Variants in NTM observed in about 807,000 individuals in gnomAD.
The protein encoded by NTM is IgLON family member 2.
A neutral mutation model predicts 42.1 loss-of-function variants in NTM; 13 were observed. That is an observed-to-expected ratio of 0.31 (90% confidence interval 0.20 to 0.49). The LOEUF (loss-of-function observed/expected upper bound fraction) is 0.49, where lower values mean the gene tolerates loss of function less well. Ranked by LOEUF, NTM falls within the 20% of genes least tolerant of loss-of-function variation. The pLI is 0.99. For missense variants in NTM, 373 were observed against 452.8 expected, an observed-to-expected ratio of 0.82 and a Z score of 1.60; for synonymous variants, 187 against 179.2, an observed-to-expected ratio of 1.04 and a Z score of -0.35.
intron 1 of NTM, among the ~76,000 whole-genome samples, chr11:131,476,782 A>T (rs1258183908): frequency 2.0e-5 from 2 of 98,368 alleles, no homozygotes; most frequent in African/African-American, 7.1e-5. Flanking sequence ...CCCTTCTCCT[A>T]CTCAGCCCAC....
At chr11:132,023,784 G>T (rs867242826) in intron 2 of NTM, among the ~76,000 whole-genome samples, 8 of 121,714 alleles carry the variant, frequency 6.6e-5, no homozygotes, top group Admixed American at 4.0e-4. Flanking sequence ...GTTGTTGTTG[G>T]TGGTTTTGTT....
chr11:131,494,173 T>G (rs1433539197), intron 1 of NTM, among the ~76,000 whole-genome samples: 2 of 152,168 alleles, frequency 1.3e-5, no homozygotes, highest in Non-Finnish European at 2.9e-5. Flanking sequence ...ATTGTTACTA[T>G]TGTTATTATT....
intron 1 of NTM, among the ~76,000 whole-genome samples, chr11:131,611,174 G>C (rs751354412): frequency 1.1e-4 from 17 of 152,158 alleles, no homozygotes; most frequent in Non-Finnish European, 2.1e-4. Context: ...CTTTGCACCT[G>C]AGGAGGGAAA....
intron 1 of NTM, among the ~76,000 whole-genome samples, chr11:131,503,890 A>C (rs1475387524): frequency 6.6e-6 from 1 of 152,154 alleles, no homozygotes; most frequent in African/African-American, 2.4e-5. Flanking sequence ...ATTAGAGGTG[A>C]AGTTAACTGG....
At chr11:131,819,226 G>A (rs779922938) in intron 1 of NTM, among the ~76,000 whole-genome samples, 2 of 152,142 alleles carry the variant, frequency 1.3e-5, no homozygotes, top group Non-Finnish European at 2.9e-5. Flanking sequence ...AGACCTTGTA[G>A]TTCAAAGCTT....
At chr11:131,414,509 A>T (rs549007478) in intron 1 of NTM, among the ~76,000 whole-genome samples, 2 of 152,294 alleles carry the variant, frequency 1.3e-5, no homozygotes, top group East Asian at 3.9e-4. Flanking sequence ...CTTCCATCAG[A>T]CAGGTTCTTT....
chr11:131,700,557 C>T (rs2135164154), intron 1 of NTM, among the ~76,000 whole-genome samples: 1 of 152,312 alleles, frequency 6.6e-6, no homozygotes, highest in African/African-American at 2.4e-5. Context: ...ACAATAATGG[C>T]AAAGACTTAC....
chr11:132,176,357 A>G (rs1248237103), intron 3 of NTM, among the ~76,000 whole-genome samples: 1 of 96,394 alleles, frequency 1.0e-5, no homozygotes, highest in East Asian at 2.2e-4. Flanking sequence ...ACTTTCCAGG[A>G]AAAAAAAAAA....
chr11:131,865,929 CCT>C (rs2047122285), intron 1 of NTM, among the ~76,000 whole-genome samples: 4 of 124,298 alleles, frequency 3.2e-5, no homozygotes, highest in Non-Finnish European at 5.5e-5. Flanking sequence ...TACACACACA[CCT>C]CCCACACTCA....
chr11:131,919,573 C>T (rs1474969716), intron 2 of NTM, among the ~76,000 whole-genome samples: 2 of 150,908 alleles, frequency 1.3e-5, no homozygotes, highest in Non-Finnish European at 2.9e-5. Context: ...CAGGAATCTA[C>T]AAACTCTGGC....
At chr11:131,703,606 A>G (rs2076285553) in intron 1 of NTM, among the ~76,000 whole-genome samples, 1 of 152,224 alleles carries the variant, frequency 6.6e-6, no homozygotes. Flanking sequence ...ACTGCTTGGA[A>G]CAATGCACAC....
intron 1 of NTM, among the ~76,000 whole-genome samples, chr11:131,744,496 C>T (rs1032397290): frequency 4.6e-5 from 7 of 152,018 alleles, no homozygotes; most frequent in Non-Finnish European, 7.4e-5. Flanking sequence ...GAAAGTATCT[C>T]CCAATTTTAA....
rs989634930 is a variant in NTM at position 131,731,273 on chromosome 11, A to G, written c.83-180291A>G. The stretch of plus-strand genomic sequence containing the variant: ...AAGCATTGTGTACCTTCTCTTCATT[A>G]TGTTCACCTGTTTTCTTTAGATCTA... On this transcript the variant is annotated intron_variant, in intron 1 of 8. Coordinates refer to ENST00000683400, the MANE Select transcript of NTM (RefSeq NM_001352005.2). 9.9e-5 allele frequency among the ~76,000 whole-genome samples: 15 copies of G among 152,062 alleles called. 1 individual carries two copies. The highest frequency in any genetic ancestry group is 9.8e-4 in the Admixed American group (15 of 15,274).
intron 1 of NTM, among the ~76,000 whole-genome samples, chr11:131,757,018 C>G (rs2083433964): frequency 6.6e-6 from 1 of 152,178 alleles, no homozygotes; most frequent in Admixed American, 6.5e-5. Flanking sequence ...CAAATGCCAC[C>G]TCAGAGCCCT....
chr11:131,998,809 G>T (rs1024706934), intron 2 of NTM, among the ~76,000 whole-genome samples: 2 of 152,076 alleles, frequency 1.3e-5, no homozygotes, highest in Non-Finnish European at 2.9e-5. Context: ...GATCGGTGGG[G>T]ATGCCATTCT....
At chr11:132,079,476 A>C (rs931263860) in intron 2 of NTM, among the ~76,000 whole-genome samples, 1 of 152,184 alleles carries the variant, frequency 6.6e-6, no homozygotes, top group Non-Finnish European at 1.5e-5. Flanking sequence ...CATCGTTGTT[A>C]AGGATGATGT....
At position 131,381,137 on chromosome 11, in the gene NTM, G is replaced by A. The variant is rs139078135; in HGVS notation, c.82+10249G>A. ...AGTAGGGGAAGGGGGAAGAACCTACGCTCTACATCTAGGTGAGGTGCTGGC... is the reference window on the plus strand; with the variant it reads ...AGTAGGGGAAGGGGGAAGAACCTACACTCTACATCTAGGTGAGGTGCTGGC... On this transcript the variant is annotated intron_variant, in intron 1 of 8. Transcript: ENST00000683400. 6.9e-4 allele frequency among the ~76,000 whole-genome samples: 105 copies of A among 152,280 alleles called. No homozygotes were observed. The East Asian group carries it at 0.015, about 22-fold the overall frequency.
At chr11:132,110,895 T>A (rs868409388) in intron 2 of NTM, among the ~76,000 whole-genome samples, 11 of 150,634 alleles carry the variant, frequency 7.3e-5, no homozygotes, top group Middle Eastern at 3.4e-3. Flanking sequence ...TAAAAAATTT[T>A]AAAAAATATT....
At chr11:131,838,747 G>T (rs2043839833) in intron 1 of NTM, among the ~76,000 whole-genome samples, 1 of 152,012 alleles carries the variant, frequency 6.6e-6, no homozygotes, top group Non-Finnish European at 1.5e-5. Context: ...GTTTTGAAAA[G>T]AATAGAATAT....
Sources: allele counts gnomAD v4.1 joint callset (sites outside exome capture counted in the v4.1 genomes callset), GRCh38; gene constraint gnomAD v4.1.1; transcripts MANE v1.5; gene names NCBI Gene and HGNC (gene_info 2026-07-23, HGNC 2026-07-21).